Variants in PALM2AKAP2 observed in about 807,000 individuals in gnomAD.
PALM2AKAP2 encodes the protein PALM2-AKAP2 fusion protein.
A neutral mutation model predicts 71.5 loss-of-function variants in PALM2AKAP2; 37 were observed. That is an observed-to-expected ratio of 0.52 (90% confidence interval 0.40 to 0.68). The LOEUF is 0.68. PALM2AKAP2 is among the 30% of genes least tolerant of loss of function. PALM2AKAP2 has a pLI of 0.00. For synonymous variants in PALM2AKAP2, 468 were observed against 478.8 expected, an observed-to-expected ratio of 0.98 and a Z score of 0.29; for missense variants, 1,224 against 1,191.8, an observed-to-expected ratio of 1.03 and a Z score of -0.40.
chr9:109,987,583 A>G (rs1349183980), intron 6 of PALM2AKAP2, among the ~76,000 whole-genome samples: 1 of 152,212 alleles, frequency 6.6e-6, no homozygotes, highest in Non-Finnish European at 1.5e-5. Flanking sequence ...ATTTCCTGGA[A>G]TGCTTTTTCT....
At chr9:110,168,554 T>C (rs1014555973) in exon 4 of PALM2AKAP2, 31 of 1,585,596 alleles carry the variant, frequency 2.0e-5, no homozygotes, top group Non-Finnish European at 2.6e-5. Flanking sequence ...AACCAAGAAA[T>C]TAACAACTGA....
chr9:110,004,228 G>A (rs1346997179), intron 6 of PALM2AKAP2, among the ~76,000 whole-genome samples: 1 of 152,120 alleles, frequency 6.6e-6, no homozygotes, highest in Non-Finnish European at 1.5e-5. Context: ...AGGCCTGGTG[G>A]TGACAAAATC....
rs1588025057 is a variant in PALM2AKAP2, at chr9:109,943,657, G to A, written c.496+11629G>A. On this transcript the variant is annotated intron_variant, in intron 6 of 9. Transcript: ENST00000302798. ...TTGCTTTTCCTCTAAACCTTTCCTT[G>A]TGTCTTCAAGAGTGAATCACTTCCT... 18 of 529,308 alleles carry A rather than the reference G, an allele frequency of 3.4e-5. No homozygotes were observed. The East Asian group carries it at 5.8e-4, about 17-fold the overall frequency. 32.8% of individuals were successfully genotyped at this position (529,308 alleles called of 1,614,324 possible). A position where few individuals can be genotyped will look rare whatever the true frequency, so the allele number is the denominator to read the frequency against.
intron 1 of PALM2AKAP2, among the ~76,000 whole-genome samples, chr9:109,658,294 A>T (rs1185171567): frequency 2.0e-5 from 3 of 152,116 alleles, no homozygotes; most frequent in East Asian, 1.9e-4. Flanking sequence ...GAGTGTAGGT[A>T]GTATAGACAG....
chr9:110,160,221 G>C lies in PALM2AKAP2; in HGVS notation c.2748+3724G>C, dbSNP rs145550689. On this transcript the variant is annotated intron_variant, in intron 3 of 3. Coordinates refer to ENST00000374525, the Ensembl canonical transcript of PALM2AKAP2. ...TTTGGGGGGTAGAGTAGGGGACTGG[G>C]CTTTAGTACCATTCATCCCTTTAGT... 1.9e-3 allele frequency among the ~76,000 whole-genome samples: 283 copies of C among 152,326 alleles called. 3 individuals carry two copies. Among genetic ancestry groups the C allele is most frequent in the African/African-American group, 6.7e-3 (278 of 41,562 alleles).
At chr9:109,931,832 CCA>C (rs1564217406) in intron 5 of PALM2AKAP2, 93 bp from the exon 6 acceptor site, 1 of 1,388,596 alleles carries the variant, frequency 7.2e-7, no homozygotes, top group Admixed American at 1.8e-5. Context: ...CCTCAGCGGT[CCA>C]TTATGTAGGG....
rs138568072 is a variant in PALM2AKAP2 at position 109,887,641 on chromosome 9, A to G, written c.257+6960A>G. Among the ~76,000 whole-genome samples, 39 of 152,198 alleles carry G rather than the reference A, an allele frequency of 2.6e-4. No individual in the cohort carries two copies. The East Asian group carries it at 7.2e-3, about 28-fold the overall frequency. ...CCATGAGGTAGTGATGATGATGATG[A>G]TGATGAAGAGAGAAGAGAAGCACAG... On this transcript the variant is annotated intron_variant, in intron 3 of 9. Transcript: ENST00000302798.
intron 6 of PALM2AKAP2, among the ~76,000 whole-genome samples, chr9:109,987,837 C>G (rs1216815503): frequency 6.6e-6 from 1 of 152,246 alleles, no homozygotes; most frequent in Non-Finnish European, 1.5e-5. Context: ...CACCGTACCT[C>G]ACAGATATGA....
At chr9:110,064,898 C>T (rs1834043902) in intron 1 of PALM2AKAP2, among the ~76,000 whole-genome samples, 1 of 152,196 alleles carries the variant, frequency 6.6e-6, no homozygotes, top group Admixed American at 6.5e-5. Flanking sequence ...GCCTATGAGA[C>T]AGGAAGAGGC....
chr9:109,731,724 A>C (rs1235895225), intron 1 of PALM2AKAP2, among the ~76,000 whole-genome samples: 1 of 152,182 alleles, frequency 6.6e-6, no homozygotes, highest in Non-Finnish European at 1.5e-5. Flanking sequence ...CATTGTGAAA[A>C]ATTTTGTAAT....
At chr9:109,801,702 G>A (rs971602267) in intron 1 of PALM2AKAP2, among the ~76,000 whole-genome samples, 9 of 149,746 alleles carry the variant, frequency 6.0e-5, no homozygotes, top group African/African-American at 2.3e-4. Flanking sequence ...CTGCCCAGGT[G>A]TTGATATGTG....
At chr9:109,700,615 C>T (rs1432653914) in intron 1 of PALM2AKAP2, among the ~76,000 whole-genome samples, 1 of 152,128 alleles carries the variant, frequency 6.6e-6, no homozygotes, top group African/African-American at 2.4e-5. Flanking sequence ...AAATTCCTCT[C>T]GGATAGATTG....
intron 1 of PALM2AKAP2, among the ~76,000 whole-genome samples, chr9:109,715,663 G>A (rs1476636001): frequency 6.6e-6 from 1 of 152,106 alleles, no homozygotes; most frequent in African/African-American, 2.4e-5. Flanking sequence ...GTTCCTTTCA[G>A]TTTGGTTAAA....
At chr9:110,083,608 T>G (rs970101629) in intron 1 of PALM2AKAP2, among the ~76,000 whole-genome samples, 1 of 152,238 alleles carries the variant, frequency 6.6e-6, no homozygotes, top group Non-Finnish European at 1.5e-5. Context: ...ATCTGTCTGC[T>G]TTCTATCTTG....
At chr9:110,071,176 AAG>A (rs1554747138) in intron 1 of PALM2AKAP2, among the ~76,000 whole-genome samples, 1 of 151,212 alleles carries the variant, frequency 6.6e-6, no homozygotes, top group African/African-American at 2.4e-5. Flanking sequence ...AAAAAAAAAA[AAG>A]AATTGGTAGA....
intron 1 of PALM2AKAP2, 45 bp from the exon 2 acceptor site, chr9:109,867,446 C>T (rs1476563436): frequency 9.4e-6 from 15 of 1,603,362 alleles, no homozygotes; most frequent in Non-Finnish European, 1.2e-5. Flanking sequence ...ATTTCTGGAG[C>T]CAACACCCAC....
At chr9:110,147,360 T>C (rs898871230) in intron 2 of PALM2AKAP2, among the ~76,000 whole-genome samples, 1 of 152,290 alleles carries the variant, frequency 6.6e-6, no homozygotes, top group Admixed American at 6.5e-5. Flanking sequence ...TACCACTTGC[T>C]AGCTTTGTGA....
intron 1 of PALM2AKAP2, among the ~76,000 whole-genome samples, chr9:109,683,952 T>C (rs571533134): frequency 3.3e-5 from 5 of 152,270 alleles, no homozygotes; most frequent in African/African-American, 1.2e-4. Context: ...GATAATGAGA[T>C]AATGTATATC....
intron 6 of PALM2AKAP2, chr9:109,942,729 A>G: frequency 4.4e-6 from 7 of 1,608,344 alleles, no homozygotes; most frequent in Non-Finnish European, 5.9e-6. Flanking sequence ...ACAAACAAAC[A>G]GGAGAGACCA....
Sources: allele counts gnomAD v4.1 joint callset (sites outside exome capture counted in the v4.1 genomes callset), GRCh38; gene constraint gnomAD v4.1.1; transcripts MANE v1.5; gene names NCBI Gene and HGNC (gene_info 2026-07-23, HGNC 2026-07-21).